The following STMN4 variants were observed in gnomAD, a reference collection of about 807,000 sequenced individuals.
STMN4 encodes the protein stathmin-4.
In STMN4, 12 loss-of-function variants were observed where a neutral mutation model predicts 29.1. That is an observed-to-expected ratio of 0.41 (90% CI 0.26 to 0.67). The LOEUF (loss-of-function observed/expected upper bound fraction) is 0.67, where lower values mean the gene tolerates loss of function less well. Among genes scored for constraint, STMN4 ranks in the 30% least tolerant of loss-of-function variants. The pLI, the probability that STMN4 is intolerant of heterozygous loss-of-function variation, is 0.30. For synonymous variants in STMN4, 114 were observed against 105.3 expected, an observed-to-expected ratio of 1.08 and a Z score of -0.51; for missense variants, 181 against 262.8, an observed-to-expected ratio of 0.69 and a Z score of 2.15.
chr8:27,249,636 C>T lies in STMN4; in HGVS notation c.-78-5835G>A, dbSNP rs190400446. 2.6e-5 allele frequency among the ~76,000 whole-genome samples: 4 copies of T among 152,320 alleles called. No homozygotes were observed. The East Asian group carries it at 7.7e-4, about 29-fold the overall frequency. On this transcript the variant is annotated intron_variant, in intron 1 of 6. Transcript: ENST00000350889. ...ATCCTGGATGAGAGGGGACAGCCCACATGGTCACCAGAGCAGCTCTGAATG... is the reference window on the plus strand; with the variant it reads ...ATCCTGGATGAGAGGGGACAGCCCATATGGTCACCAGAGCAGCTCTGAATG...
chr8:27,250,521 G>A (rs1248424684), intron 1 of STMN4, among the ~76,000 whole-genome samples: 1 of 152,180 alleles, frequency 6.6e-6, no homozygotes, highest in Non-Finnish European at 1.5e-5. Flanking sequence ...CCTCAGCATG[G>A]TCTTCCGCGA....
chr8:27,256,950 A>T (rs569977461), intron 1 of STMN4, among the ~76,000 whole-genome samples: 163 of 152,160 alleles, frequency 1.1e-3, no homozygotes, highest in African/African-American at 3.5e-3. Flanking sequence ...GATCCTGCTC[A>T]CTCCAGAGCT....
At chr8:27,254,270 G>C (rs529986645) in intron 1 of STMN4, among the ~76,000 whole-genome samples, 1 of 152,292 alleles carries the variant, frequency 6.6e-6, no homozygotes, top group Admixed American at 6.5e-5. Context: ...TAGTCTGGCT[G>C]TCTAGGCACA....
intron 3 of STMN4, chr8:27,242,009 C>T (rs1312211315): frequency 3.4e-6 from 2 of 584,900 alleles, no homozygotes; most frequent in East Asian, 5.6e-5. Context: ...ATTCTCTACC[C>T]TTCCCAGAGG....
intron 6 of STMN4, 136 bp downstream of exon 6, chr8:27,239,835 T>C: frequency 6.4e-7 from 1 of 1,552,536 alleles, no homozygotes; most frequent in Non-Finnish European, 8.7e-7. Flanking sequence ...TCTCTAAAGA[T>C]CCTGCCTAAG....
At position 27,243,580 on chromosome 8, in the gene STMN4, C is replaced by A. The variant is rs1050417988; in HGVS notation, c.13+131G>T. 79 of 950,982 alleles carry A rather than the reference C, an allele frequency of 8.3e-5. No homozygotes were observed. In the Admixed American group the frequency reaches 1.4e-3, roughly 17 times the overall value. 58.9% of individuals were successfully genotyped at this position (950,982 alleles called of 1,614,324 possible). On this transcript the variant is annotated intron_variant, in intron 2 of 6. Coordinates refer to ENST00000350889, the MANE Select transcript of STMN4 (RefSeq NM_030795.4). ...GCCTGCATGCCCCCAAGCCTCCCAT[C>A]ACTACCTGCACCCCCCCACACACCC...
At chr8:27,251,257 A>T (rs1250373456) in intron 1 of STMN4, among the ~76,000 whole-genome samples, 1 of 150,246 alleles carries the variant, frequency 6.7e-6, no homozygotes, top group Non-Finnish European at 1.5e-5. Context: ...CATCTCAAAA[A>T]ATAAATATAT....
At chr8:27,250,598 G>C (rs753657581) in intron 1 of STMN4, among the ~76,000 whole-genome samples, 1 of 152,308 alleles carries the variant, frequency 6.6e-6, no homozygotes, top group South Asian at 2.1e-4. Flanking sequence ...AGGAACCAGC[G>C]AGACCTACAG....
chr8:27,247,976 C>T (rs945119026), intron 1 of STMN4, among the ~76,000 whole-genome samples: 2 of 152,208 alleles, frequency 1.3e-5, no homozygotes, highest in Admixed American at 6.5e-5. Context: ...AAATTCATTG[C>T]ATCCAGCAGC....
At chr8:27,240,791 C>T (rs1400775655) in intron 5 of STMN4, among the ~76,000 whole-genome samples, 5 of 152,142 alleles carry the variant, frequency 3.3e-5, no homozygotes, top group African/African-American at 9.7e-5. Context: ...CTTATTTTTG[C>T]CACCATGCAT....
chr8:27,246,048 G>A (rs1202859382), intron 1 of STMN4, among the ~76,000 whole-genome samples: 3 of 152,166 alleles, frequency 2.0e-5, no homozygotes, highest in East Asian at 1.9e-4. Context: ...CAGGTCTCTC[G>A]ACTTGTAAGC....
chr8:27,257,979 C>A (rs56377863), intron 1 of STMN4, among the ~76,000 whole-genome samples: 29,934 of 152,222 alleles, frequency 0.2, 3,533 homozygotes, highest in South Asian at 0.35. Flanking sequence ...GAGCTTCCCA[C>A]TTGAAAGGGA....
At chr8:27,254,388 T>A (rs562935163) in intron 1 of STMN4, among the ~76,000 whole-genome samples, 80 of 152,260 alleles carry the variant, frequency 5.3e-4, no homozygotes, top group African/African-American at 1.9e-3. Flanking sequence ...CAGTTTGTTA[T>A]CCAAACTCTC....
chr8:27,257,788 G>A (rs1801985535), intron 1 of STMN4, among the ~76,000 whole-genome samples: 1 of 152,170 alleles, frequency 6.6e-6, no homozygotes, highest in East Asian at 1.9e-4. Context: ...CTCTGGCCAG[G>A]TAGGATTAGG....
At position 27,236,837 on chromosome 8, in the gene STMN4, C is replaced by T. The variant is rs1270513123; in HGVS notation, c.*9G>A. 10 of 1,601,276 alleles carry T rather than the reference C, an allele frequency of 6.2e-6. No homozygotes were observed. The highest frequency in any genetic ancestry group is 8.5e-6 in the Non-Finnish European group (10 of 1,174,664). ...CGGCTGACCTGGAAAGTTCTTTGGC[C>T]TCTAGGCTTTACCTGGAGGCCTCTT... On this transcript the variant is annotated 3_prime_UTR_variant, in exon 7 of 7. Transcript: ENST00000350889.
At chr8:27,247,206 G>C (rs1031958326) in intron 1 of STMN4, among the ~76,000 whole-genome samples, 6 of 143,832 alleles carry the variant, frequency 4.2e-5, no homozygotes, top group African/African-American at 1.6e-4. Flanking sequence ...AGTGAGCCGA[G>C]ATCGCGCCAC....
Position 27,236,747 on chromosome 8 carries a change from A to ACC in STMN4, c.*97_*98dup. Reference sequence around the variant, plus strand: ...CCCTTGGCCACCCCCCTCCCCCCAAACCCCAGTGCTGGGAGCGCAGCCGGC... The same window carrying ACC: ...CCCTTGGCCACCCCCCTCCCCCCAAACCCCCCAGTGCTGGGAGCGCAGCCGGC... On this transcript the variant is annotated 3_prime_UTR_variant, in exon 7 of 7. Transcript: ENST00000350889. 8.6e-7 allele frequency: 1 copy of ACC among 1,164,958 alleles called. No homozygotes were observed. The highest frequency in any genetic ancestry group is 1.2e-6 in the Non-Finnish European group (1 of 860,296). 72.2% of individuals were successfully genotyped at this position (1,164,958 alleles called of 1,614,324 possible).
Position 27,236,842 on chromosome 8 carries a change from G to A in STMN4, c.*4C>T. On this transcript the variant is annotated 3_prime_UTR_variant, in exon 7 of 7. Coordinates refer to ENST00000350889, the MANE Select transcript of STMN4 (RefSeq NM_030795.4). The stretch of plus-strand genomic sequence containing the variant: ...GACCTGGAAAGTTCTTTGGCCTCTA[G>A]GCTTTACCTGGAGGCCTCTTCCTTC... 2 of 1,602,938 alleles carry A rather than the reference G, an allele frequency of 1.2e-6. No homozygotes were observed. The highest frequency in any genetic ancestry group is 1.1e-5 in the South Asian group (1 of 88,962).
In STMN4 at chr8:27,236,540, A is replaced by C; in HGVS notation, c.*306T>G. The stretch of plus-strand genomic sequence containing the variant: ...GTGCCTGGAGGCTCAATGTCCAGGT[A>C]GAGATGTGAAAATCAGATCTGCGCC... On this transcript the variant is annotated 3_prime_UTR_variant, in exon 7 of 7. Coordinates refer to ENST00000350889, the MANE Select transcript of STMN4 (RefSeq NM_030795.4). 4.5e-6 allele frequency: 1 copy of C among 219,942 alleles called. No homozygotes were observed. The highest frequency in any genetic ancestry group is 8.9e-6 in the Non-Finnish European group (1 of 112,174). 13.6% of individuals were successfully genotyped at this position (219,942 alleles called of 1,614,324 possible). A position where few individuals can be genotyped will look rare whatever the true frequency, so the allele number is the denominator to read the frequency against.
Sources: gnomAD v4.1 joint callset for allele counts (sites outside exome capture counted in the v4.1 genomes callset) on GRCh38, gnomAD v4.1.1 for gene constraint, MANE v1.5 for transcripts, NCBI Gene and HGNC (gene_info 2026-07-23, HGNC 2026-07-21) for gene names.